PCGF5: variants seen among roughly 807,000 people sequenced by gnomAD.
PCGF5 encodes the protein polycomb group ring finger 5.
In PCGF5, 9 loss-of-function variants were observed where a neutral mutation model predicts 44.3. The observed-to-expected ratio is 0.20, with a 90% CI of 0.12 to 0.35. PCGF5 has a LOEUF of 0.35. Ranked by LOEUF, PCGF5 falls within the 10% of genes least tolerant of loss-of-function variation. The pLI, the probability that PCGF5 is intolerant of heterozygous loss-of-function variation, is 1.00. For missense variants in PCGF5, 146 were observed against 305.3 expected (o/e 0.48, Z 3.89); for synonymous variants, 95 against 102.5 (o/e 0.93, Z 0.44).
In PCGF5 at chr10:91,251,334, G is replaced by T. The variant is rs957047222; in HGVS notation, c.368G>T (p.Gly123Val). 1.2e-5 allele frequency: 20 copies of T among 1,610,442 alleles called. 1 individual carries two copies. The Admixed American group carries it at 2.8e-4, about 23-fold the overall frequency. ...KADKPKVDEE[G>V]DENEDDKDYH... ...GACAAACCGAAAGTAGATGAAGAAG[G>T]TGATGAAAATGAAGATGATAAAGAT... is the stretch of plus-strand genomic sequence containing the variant. The change falls in exon 6 of 10, where the codon GGT (glycine) becomes GTT (valine). Residue 123 changes from glycine (G) to valine (V), a missense_variant. Coordinates refer to ENST00000336126, the MANE Select transcript of PCGF5 (RefSeq NM_032373.5).
rs527397067 is a variant in PCGF5, at chr10:91,261,552, A to G, written c.573+128A>G. On this transcript the variant is annotated intron_variant, in intron 7 of 9. Transcript: ENST00000336126. Reference sequence around the variant, plus strand: ...GGAAACTTTGATTATTTTTGTGTTAAAAATTTAATTTTCAGAATGTATTAT... The same window carrying G: ...GGAAACTTTGATTATTTTTGTGTTAGAAATTTAATTTTCAGAATGTATTAT... The G allele has an allele frequency of 1.4e-5, 17 of 1,178,632 alleles. No individual in the cohort carries two copies. The South Asian group carries it at 4.5e-4, about 31-fold the overall frequency. 73.0% of individuals were successfully genotyped at this position (1,178,632 alleles called of 1,614,324 possible).
upstream of PCGF5, among the ~76,000 whole-genome samples, chr10:91,218,969 A>G (rs907683591): frequency 3.3e-5 from 5 of 152,040 alleles, no homozygotes; most frequent in African/African-American, 9.7e-5. Context: ...GAGTTTTTAA[A>G]CTTGTTTTTA....
chr10:91,254,201 C>T (rs1045296672), intron 6 of PCGF5, among the ~76,000 whole-genome samples: 12 of 129,322 alleles, frequency 9.3e-5, no homozygotes, highest in Admixed American at 1.5e-4. Flanking sequence ...TCCCCTCCAC[C>T]TCGTGTGTGT....
chr10:91,168,038 A>G (rs1409934253), intron 1 of PCGF5, among the ~76,000 whole-genome samples: 8 of 152,234 alleles, frequency 5.3e-5, no homozygotes, highest in Admixed American at 3.3e-4. Flanking sequence ...TCTGCAATCA[A>G]TAAATATTTG....
At chr10:91,220,452 G>C (rs184855181), upstream of PCGF5, 2 of 152,716 alleles carry the variant, frequency 1.3e-5, no homozygotes, top group Non-Finnish European at 2.9e-5. Context: ...ATAATATTTG[G>C]CCAGAGCTAC....
In PCGF5 at chr10:91,283,070, G is replaced by T. The variant is rs1000747947; in HGVS notation, c.*4754G>T. 1 of 152,094 alleles carries T rather than the reference G, an allele frequency of 6.6e-6. No homozygotes were observed. The highest frequency in any genetic ancestry group is 2.4e-5 in the African/African-American group (1 of 41,426). 9.4% of individuals were successfully genotyped at this position (152,094 alleles called of 1,614,324 possible). On this transcript the variant is annotated 3_prime_UTR_variant, in exon 10 of 10. Transcript: ENST00000336126. ...AACCTAGTTGAGTAGCATTTTGACA[G>T]AAAATATCAGACTGAAAGTTCATTC...
chr10:91,194,723 T>C (rs948281111), intron 1 of PCGF5, among the ~76,000 whole-genome samples: 6 of 152,124 alleles, frequency 3.9e-5, no homozygotes, highest in Admixed American at 3.9e-4. Context: ...ACAGACTGAA[T>C]GAGATCACCA....
At chr10:91,193,918 G>A (rs1844081029) in intron 1 of PCGF5, among the ~76,000 whole-genome samples, 1 of 152,158 alleles carries the variant, frequency 6.6e-6, no homozygotes, top group African/African-American at 2.4e-5. Flanking sequence ...TAAAGACGAA[G>A]TCCATTTCTT....
intron 3 of PCGF5, among the ~76,000 whole-genome samples, chr10:91,242,566 C>A (rs985943667): frequency 1.3e-5 from 2 of 152,060 alleles, no homozygotes; most frequent in African/African-American, 4.8e-5. Flanking sequence ...CAAACCCGCT[C>A]CCTTGGCTAA....
chr10:91,186,587 TATATATATGTGTATATATACACAC>T (rs1843930544), intron 1 of PCGF5, among the ~76,000 whole-genome samples: 4 of 122,964 alleles, frequency 3.3e-5, no homozygotes, highest in African/African-American at 5.0e-5. Flanking sequence ...TATGTGTGTG[TATATATATGTGTATATATACACAC>T]ATATATATGT....
At chr10:91,179,204 T>G (rs1317817065) in intron 1 of PCGF5, among the ~76,000 whole-genome samples, 1 of 152,162 alleles carries the variant, frequency 6.6e-6, no homozygotes, top group Non-Finnish European at 1.5e-5. Flanking sequence ...TCCTCAGATC[T>G]GAACTAGTGT....
intron 9 of PCGF5, among the ~76,000 whole-genome samples, chr10:91,275,221 A>G (rs2133463263): frequency 6.6e-6 from 1 of 152,212 alleles, no homozygotes; most frequent in East Asian, 1.9e-4. Flanking sequence ...TGAGCAAAGG[A>G]CATGATCAGG....
chr10:91,271,585 AT>A, intron 8 of PCGF5, 52 bp from the exon 9 acceptor site: 1 of 1,388,212 alleles, frequency 7.2e-7, no homozygotes, highest in Non-Finnish European at 1.0e-6. Flanking sequence ...TCAATTTTAA[AT>A]ATGTGTCCAG....
chr10:91,180,815 A>T (rs925004889), intron 1 of PCGF5, among the ~76,000 whole-genome samples: 1 of 152,166 alleles, frequency 6.6e-6, no homozygotes, highest in African/African-American at 2.4e-5. Flanking sequence ...TTTGCTTAGG[A>T]TTGCCTTGGC....
chr10:91,188,974 G>A (rs1299606235), intron 1 of PCGF5, among the ~76,000 whole-genome samples: 1 of 152,228 alleles, frequency 6.6e-6, no homozygotes, highest in Non-Finnish European at 1.5e-5. Context: ...CAAGGGAAAT[G>A]AAGTGTGATT....
chr10:91,206,493 T>A (rs1844350132), intron 1 of PCGF5, among the ~76,000 whole-genome samples: 1 of 152,058 alleles, frequency 6.6e-6, no homozygotes. Context: ...TCACCTGGGA[T>A]GAAACTAGCA....
At chr10:91,161,743 G>A (rs1335897517), upstream of PCGF5, among the ~76,000 whole-genome samples, 1 of 152,216 alleles carries the variant, frequency 6.6e-6, no homozygotes, top group Non-Finnish European at 1.5e-5. Context: ...CCTGCAAGAT[G>A]AGGTTTGCGG....
At chr10:91,195,344 C>T (rs1011533015) in intron 1 of PCGF5, among the ~76,000 whole-genome samples, 2 of 151,548 alleles carry the variant, frequency 1.3e-5, no homozygotes, top group African/African-American at 4.8e-5. Flanking sequence ...AGGAAAAGCC[C>T]AGTATTGTTA....
intron 1 of PCGF5, among the ~76,000 whole-genome samples, chr10:91,180,843 G>A (rs1210099738): frequency 6.6e-6 from 1 of 152,082 alleles, no homozygotes; most frequent in Non-Finnish European, 1.5e-5. Flanking sequence ...GCTCTTTTTT[G>A]GTTCCATGTG....
Sources: gnomAD v4.1 joint callset for allele counts (sites outside exome capture counted in the v4.1 genomes callset) on GRCh38, gnomAD v4.1.1 for gene constraint, MANE v1.5 for transcripts, NCBI Gene and HGNC (gene_info 2026-07-23, HGNC 2026-07-21) for gene names.